Variants in ITGA9 observed in about 807,000 individuals in gnomAD.
The protein encoded by ITGA9 is integrin alpha-9.
In ITGA9, 56 loss-of-function variants were observed where a neutral mutation model predicts 127.8. The ratio of observed to expected loss-of-function variants is 0.44; its 90% CI spans 0.35 to 0.55. The LOEUF (loss-of-function observed/expected upper bound fraction) is 0.55. ITGA9 is among the 20% of genes least tolerant of loss of function. The pLI is 0.00. For synonymous variants in ITGA9, 508 were observed against 514.5 expected (o/e 0.99, Z 0.17); for missense variants, 1,196 against 1,347.1 (o/e 0.89, Z 1.76).
chr3:37,613,929 A>G (rs1700048812), intron 15 of ITGA9, among the ~76,000 whole-genome samples: 1 of 152,148 alleles, frequency 6.6e-6, no homozygotes, highest in Non-Finnish European at 1.5e-5. Context: ...GTTCACTCTG[A>G]TGGTAGTTTC....
chr3:37,798,962 C>T (rs1697205543), intron 26 of ITGA9, among the ~76,000 whole-genome samples: 1 of 152,008 alleles, frequency 6.6e-6, no homozygotes, highest in Admixed American at 6.6e-5. Flanking sequence ...TTTAATAGTT[C>T]TGTGGTATTC....
chr3:37,593,297 G>T (rs558610790), intron 15 of ITGA9, among the ~76,000 whole-genome samples: 1 of 152,280 alleles, frequency 6.6e-6, no homozygotes, highest in African/African-American at 2.4e-5. Context: ...TGTATTTTGG[G>T]TTTTTTGTTG....
chr3:37,674,955 A>G (rs1321080256), intron 17 of ITGA9, among the ~76,000 whole-genome samples: 5 of 152,204 alleles, frequency 3.3e-5, no homozygotes, highest in Non-Finnish European at 7.3e-5. Flanking sequence ...CCTGTAATTC[A>G]GAGATATTCA....
chr3:37,750,428 A>G, intron 22 of ITGA9, 34 bp from the exon 23 acceptor site: 1 of 1,268,270 alleles, frequency 7.9e-7, no homozygotes, highest in Non-Finnish European at 1.2e-6. Flanking sequence ...GCTATTTTCC[A>G]CTGAGACTTG....
At chr3:37,564,822 A>T (rs182081546) in intron 15 of ITGA9, among the ~76,000 whole-genome samples, 3 of 152,336 alleles carry the variant, frequency 2.0e-5, no homozygotes, top group Admixed American at 2.0e-4. Flanking sequence ...CTACAGCCAC[A>T]ACCATCCCTA....
intron 1 of ITGA9, among the ~76,000 whole-genome samples, chr3:37,461,125 G>C (rs1579039428): frequency 6.6e-6 from 1 of 152,252 alleles, no homozygotes; most frequent in Admixed American, 6.5e-5. Flanking sequence ...ATGGGTCCTA[G>C]AGGGTGGATG....
At chr3:37,478,040 A>G (rs1698512171) in intron 3 of ITGA9, among the ~76,000 whole-genome samples, 1 of 152,120 alleles carries the variant, frequency 6.6e-6, no homozygotes, top group South Asian at 2.1e-4. Flanking sequence ...TAAATCATCA[A>G]TGTATACCTC....
chr3:37,645,014 G>C (rs551214812), intron 16 of ITGA9, among the ~76,000 whole-genome samples: 51 of 152,172 alleles, frequency 3.4e-4, no homozygotes, highest in African/African-American at 1.2e-3. Context: ...TTGGATTCTG[G>C]GAAAACAGCC....
chr3:37,759,364 G>A (rs1322908639), intron 23 of ITGA9, among the ~76,000 whole-genome samples: 4 of 151,794 alleles, frequency 2.6e-5, no homozygotes, highest in Non-Finnish European at 4.4e-5. Flanking sequence ...TGCTATACAG[G>A]AAGAAAAAAA....
chr3:37,513,616 G>T, intron 8 of ITGA9, 147 bp from the exon 9 acceptor site: 1 of 844,440 alleles, frequency 1.2e-6, no homozygotes, highest in Non-Finnish European at 1.9e-6. Flanking sequence ...GCCCTGGTGT[G>T]TGATGTTCCC....
intron 22 of ITGA9, chr3:37,748,352 A>G: frequency 1.6e-6 from 1 of 606,522 alleles, no homozygotes; most frequent in East Asian, 3.5e-5. Context: ...ACACAAGTTA[A>G]GGGCAAGATT....
intron 15 of ITGA9, among the ~76,000 whole-genome samples, chr3:37,564,068 G>A (rs547458248): frequency 6.6e-6 from 1 of 152,282 alleles, no homozygotes; most frequent in South Asian, 2.1e-4. Flanking sequence ...GCTTTTTATT[G>A]CAGGACTTCA....
chr3:37,595,090 T>TTTTTG (rs978689596), intron 15 of ITGA9, among the ~76,000 whole-genome samples: 5 of 152,086 alleles, frequency 3.3e-5, no homozygotes, highest in African/African-American at 1.2e-4. Flanking sequence ...TGTTTTGTTG[T>TTTTTG]TTTTGTTTTT....
chr3:37,502,762 A>G (rs1698800113), intron 5 of ITGA9, among the ~76,000 whole-genome samples: 1 of 152,120 alleles, frequency 6.6e-6, no homozygotes, highest in East Asian at 1.9e-4. Flanking sequence ...GGGGAGTTGA[A>G]TGGTGAGCCT....
intron 18 of ITGA9, among the ~76,000 whole-genome samples, chr3:37,697,577 C>T (rs1001857420): frequency 1.3e-5 from 2 of 151,392 alleles, no homozygotes; most frequent in South Asian, 2.1e-4. Flanking sequence ...TGAGTGAGAA[C>T]ATGGGGTGTT....
chr3:37,779,808 T>G (rs1174293124), intron 24 of ITGA9, 94 bp from the exon 25 acceptor site: 2 of 1,240,148 alleles, frequency 1.6e-6, no homozygotes, highest in African/African-American at 3.0e-5. Context: ...ATTGCCTTAG[T>G]CACCAAGTTC....
At chr3:37,638,218 A>C (rs1156810356) in intron 16 of ITGA9, among the ~76,000 whole-genome samples, 1 of 152,180 alleles carries the variant, frequency 6.6e-6, no homozygotes, top group Non-Finnish European at 1.5e-5. Flanking sequence ...ATAATCATCA[A>C]AAGAAACATA....
At chr3:37,580,986 A>G (rs541626793) in intron 15 of ITGA9, among the ~76,000 whole-genome samples, 8 of 152,228 alleles carry the variant, frequency 5.3e-5, no homozygotes, top group Admixed American at 2.6e-4. Flanking sequence ...AAGCGTTGTT[A>G]GGAAGATTGA....
intron 18 of ITGA9, among the ~76,000 whole-genome samples, chr3:37,718,449 C>T (rs1701156674): frequency 6.6e-6 from 1 of 152,194 alleles, no homozygotes; most frequent in African/African-American, 2.4e-5. Flanking sequence ...TCAGTCCTCA[C>T]CAGCATAAGA....
Sources: gnomAD v4.1 joint callset for allele counts (sites outside exome capture counted in the v4.1 genomes callset) on GRCh38, gnomAD v4.1.1 for gene constraint, MANE v1.5 for transcripts, NCBI Gene and HGNC (gene_info 2026-07-23, HGNC 2026-07-21) for gene names.